COL23A1: variants seen among roughly 807,000 people sequenced by gnomAD.
COL23A1 encodes the protein collagen alpha-1(XXIII) chain.
In COL23A1, 97 loss-of-function variants were observed where a neutral mutation model predicts 99.3. The observed-to-expected ratio is 0.98, with a 90% CI of 0.83 to 1.16. The LOEUF is 1.16. Ranked by LOEUF, COL23A1 falls within the 50% of genes most tolerant of loss-of-function variation. The pLI is 0.00. For missense variants in COL23A1, 762 were observed against 757.4 expected (o/e 1.01, Z -0.07); for synonymous variants, 320 against 308.2 (o/e 1.04, Z -0.40).
chr5:178,248,202 T>C lies in COL23A1; in HGVS notation c.1202A>G (p.Gln401Arg). 1 of 1,603,002 alleles carries C rather than the reference T, an allele frequency of 6.2e-7. No individual in the cohort carries two copies. Among genetic ancestry groups the C allele is most frequent in the Non-Finnish European group, 8.5e-7 (1 of 1,170,380 alleles). The change falls in exon 20 of 29, where the codon CAG becomes CGG. Residue 401 changes from glutamine to arginine, a missense_variant. By Grantham distance (43) the Gln-to-Arg change is conservative (BLOSUM62 1). Transcript: ENST00000390654. ...CCCATACCCCCTTACCAGGCTCTCC[T>C]GTAGGCTGTCAGACGCCGACTCCCC... is the stretch of plus-strand genomic sequence containing the variant. ...EKGESASDSLQESLAQLIVEP... is the reference protein window; with the variant it reads ...EKGESASDSLRESLAQLIVEP...
At chr5:178,433,874 G>A (rs561606471) in intron 2 of COL23A1, among the ~76,000 whole-genome samples, 7 of 152,244 alleles carry the variant, frequency 4.6e-5, no homozygotes, top group South Asian at 2.1e-4. Context: ...AAATGAGGTC[G>A]TGTGTCCTAA....
intron 5 of COL23A1, among the ~76,000 whole-genome samples, chr5:178,286,043 C>T (rs372923750): frequency 9.2e-5 from 14 of 152,190 alleles, no homozygotes; most frequent in Non-Finnish European, 1.8e-4. Context: ...GTGCTGGCGA[C>T]GTGAACGCCC....
At chr5:178,471,987 G>C (rs1396502763) in intron 2 of COL23A1, among the ~76,000 whole-genome samples, 1 of 152,120 alleles carries the variant, frequency 6.6e-6, no homozygotes, top group Non-Finnish European at 1.5e-5. Context: ...CTTAATCCAT[G>C]GCTGATTAAA....
rs181056652 is a variant in COL23A1, at chr5:178,243,521, A to T, written c.1441-1127T>A. ...AAAAAAAAAAGAAACAATTTTAAAAAGAGAATTGGATTCGACATGGTCCCT... is the reference window on the plus strand; with the variant it reads ...AAAAAAAAAAGAAACAATTTTAAAATGAGAATTGGATTCGACATGGTCCCT... On this transcript the variant is annotated intron_variant, in intron 25 of 28. Coordinates refer to ENST00000390654, the MANE Select transcript of COL23A1 (RefSeq NM_173465.4). Among the ~76,000 whole-genome samples the T allele has an allele frequency of 1.1e-4, 16 of 152,080 alleles. No homozygotes were observed. In the East Asian group the frequency reaches 2.9e-3, roughly 28 times the overall value.
chr5:178,585,684 C>A (rs1219017819), intron 1 of COL23A1, among the ~76,000 whole-genome samples: 1 of 152,066 alleles, frequency 6.6e-6, no homozygotes, highest in Non-Finnish European at 1.5e-5. Context: ...CCCTGGATGG[C>A]GCTGGGGTAA....
intron 2 of COL23A1, among the ~76,000 whole-genome samples, chr5:178,338,790 G>C (rs1366073279): frequency 6.6e-6 from 1 of 152,214 alleles, no homozygotes; most frequent in Non-Finnish European, 1.5e-5. Flanking sequence ...CATCAGAAGA[G>C]AGGGCGACCA....
At position 178,280,910 on chromosome 5, in the gene COL23A1, C is replaced by T. The variant is rs894247997; in HGVS notation, c.441+7414G>A. On this transcript the variant is annotated intron_variant, in intron 5 of 28. Transcript: ENST00000390654. This position sits in a 1 kb window ranked among gnomAD's most constrained non-coding sequence, Gnocchi z 4.9. ...GGAGCAGCAGCTCGGGCCCCACTGA[C>T]CTGGGGTGGCCGCCTCCTGTGAATG... Among the ~76,000 whole-genome samples, 1 of 152,186 alleles carries T rather than the reference C, an allele frequency of 6.6e-6. No homozygotes were observed. The highest frequency in any genetic ancestry group is 2.4e-5 in the African/African-American group (1 of 41,450).
chr5:178,467,325 AC>A (rs1415587485), intron 2 of COL23A1, among the ~76,000 whole-genome samples: 1 of 151,840 alleles, frequency 6.6e-6, no homozygotes, highest in African/African-American at 2.4e-5. Flanking sequence ...CCTGGTGGAG[AC>A]CCTTCCACCC....
chr5:178,359,801 T>C (rs1333591228), intron 2 of COL23A1, among the ~76,000 whole-genome samples: 1 of 152,134 alleles, frequency 6.6e-6, no homozygotes, highest in East Asian at 1.9e-4. Flanking sequence ...AGACAGAAAC[T>C]CAGAAATAGC....
At chr5:178,243,180 AC>A in intron 25 of COL23A1, among the ~76,000 whole-genome samples, 1 of 117,794 alleles carries the variant, frequency 8.5e-6, no homozygotes, top group Non-Finnish European at 1.8e-5. Context: ...ACAGAGCGGG[AC>A]TCTGTCTCAA....
chr5:178,303,723 TCTC>T (rs1201238538), intron 3 of COL23A1, among the ~76,000 whole-genome samples: 1 of 152,162 alleles, frequency 6.6e-6, no homozygotes, highest in East Asian at 1.9e-4. Flanking sequence ...TGCCTCTTTC[TCTC>T]TCCCTTCTCT....
chr5:178,564,257 C>T (rs185493), intron 1 of COL23A1, among the ~76,000 whole-genome samples: 86,017 of 152,034 alleles, frequency 0.57, 28,064 homozygotes, highest in African/African-American at 0.88. Context: ...GCTTTTGTTT[C>T]TCTCAATTAG....
chr5:178,579,061 T>C (rs1251445433), intron 1 of COL23A1, among the ~76,000 whole-genome samples: 3 of 152,248 alleles, frequency 2.0e-5, no homozygotes, highest in Non-Finnish European at 4.4e-5. Context: ...CACATTTCTC[T>C]GCTCCTTGAC....
In COL23A1 at chr5:178,257,072, G is replaced by A. The variant is rs191178099; in HGVS notation, c.775-144C>T. 217 of 716,474 alleles carry A rather than the reference G, an allele frequency of 3.0e-4. 1 individual carries two copies. In the Middle Eastern group the frequency reaches 6.2e-3, roughly 20 times the overall value. 44.4% of individuals were successfully genotyped at this position (716,474 alleles called of 1,614,324 possible). ...TACTGAGTCCATGGGGGGTGTGGGC[G>A]GATGGACCTCAGGCCTCTCCCTAGC... On this transcript the variant is annotated intron_variant, in intron 13 of 28. Coordinates refer to ENST00000390654, the MANE Select transcript of COL23A1 (RefSeq NM_173465.4).
At chr5:178,577,552 C>A (rs1763441916) in intron 1 of COL23A1, among the ~76,000 whole-genome samples, 1 of 152,146 alleles carries the variant, frequency 6.6e-6, no homozygotes, top group African/African-American at 2.4e-5. Flanking sequence ...GGGCCTGGCG[C>A]GCGGGGCCTG....
chr5:178,322,172 T>G (rs1230144366), intron 2 of COL23A1, among the ~76,000 whole-genome samples: 1 of 151,912 alleles, frequency 6.6e-6, no homozygotes, highest in Admixed American at 6.5e-5. Flanking sequence ...TTTTCTATTT[T>G]TAGCAGAGAC....
intron 2 of COL23A1, among the ~76,000 whole-genome samples, chr5:178,556,867 C>T (rs185272285): frequency 1.9e-4 from 28 of 151,126 alleles, no homozygotes; most frequent in African/African-American, 6.1e-4. Context: ...GCAGGAGAAT[C>T]GCTTGAATAC....
chr5:178,556,517 G>C (rs1039429449), intron 2 of COL23A1, among the ~76,000 whole-genome samples: 6 of 151,786 alleles, frequency 4.0e-5, no homozygotes, highest in African/African-American at 1.5e-4. Flanking sequence ...CAGCTACTTG[G>C]GAGGCTGAGG....
intron 2 of COL23A1, among the ~76,000 whole-genome samples, chr5:178,489,733 A>G (rs942110362): frequency 5.3e-5 from 8 of 152,146 alleles, no homozygotes; most frequent in African/African-American, 1.9e-4. Context: ...AGCTTCTTGC[A>G]CCTCACCACG....
Sources: allele counts gnomAD v4.1 joint callset (sites outside exome capture counted in the v4.1 genomes callset), GRCh38; gene constraint gnomAD v4.1.1; non-coding constraint Gnocchi (gnomAD v3.1); transcripts MANE v1.5; gene names NCBI Gene and HGNC (gene_info 2026-07-23, HGNC 2026-07-21).